Variants in GARRE1 observed in about 807,000 individuals in gnomAD.
The protein encoded by GARRE1 is granule associated Rac and RHOG effector protein 1.
Under a neutral mutation model 103.2 loss-of-function variants are expected in GARRE1, and 49 were observed. The ratio of observed to expected loss-of-function variants is 0.47; its 90% CI spans 0.38 to 0.60. The LOEUF (loss-of-function observed/expected upper bound fraction) is 0.60, where lower values mean the gene tolerates loss of function less well. GARRE1 is among the 20% of genes least tolerant of loss of function. GARRE1 has a pLI of 0.00. For synonymous variants in GARRE1, 505 were observed against 532.8 expected, an observed-to-expected ratio of 0.95 and a Z score of 0.72; for missense variants, 1,199 against 1,370.5, an observed-to-expected ratio of 0.87 and a Z score of 1.98.
chr19:34,319,236 T>G (rs906783245), intron 2 of GARRE1, among the ~76,000 whole-genome samples: 1 of 152,162 alleles, frequency 6.6e-6, no homozygotes, highest in African/African-American at 2.4e-5. Context: ...ATAGTATTTT[T>G]TAAGTTAATT....
chr19:34,346,105 A>T (rs328409), intron 10 of GARRE1, among the ~76,000 whole-genome samples: 78,902 of 151,962 alleles, frequency 0.52, 23,954 homozygotes, highest in African/African-American at 0.83. Context: ...GGGATGGGGA[A>T]CGGGAGACAG....
chr19:34,259,808 A>G (rs2073704201), intron 1 of GARRE1, among the ~76,000 whole-genome samples: 1 of 152,142 alleles, frequency 6.6e-6, no homozygotes, highest in African/African-American at 2.4e-5. Flanking sequence ...GGTGGGAAGG[A>G]CCTAATGGGA....
intron 1 of GARRE1, among the ~76,000 whole-genome samples, chr19:34,289,705 A>G (rs2073906435): frequency 6.6e-6 from 1 of 151,466 alleles, no homozygotes; most frequent in Non-Finnish European, 1.5e-5. Flanking sequence ...GCCTGGTGAC[A>G]GAGCTAGACT....
chr19:34,277,673 G>A (rs1025102711), intron 1 of GARRE1, among the ~76,000 whole-genome samples: 2 of 152,096 alleles, frequency 1.3e-5, no homozygotes, highest in African/African-American at 2.4e-5. Context: ...CAGGTGTTAT[G>A]CCTGATTCCT....
chr19:34,353,190 C>G lies in GARRE1; in HGVS notation c.*235C>G, dbSNP rs967898457. 1.8e-5 allele frequency: 9 copies of G among 501,574 alleles called. No homozygotes were observed. The highest frequency in any genetic ancestry group is 3.4e-5 in the Admixed American group (1 of 29,198). The allele number at this position is 501,574 out of a possible 1,614,324, so 31.1% of individuals were successfully genotyped here. ...GCCAGCTGGAGACACAGGCGTCTGG[C>G]CTTCAGGGGCTTGCTAGGGAACCTG... is the stretch of plus-strand genomic sequence containing the variant. On this transcript the variant is annotated 3_prime_UTR_variant, in exon 14 of 14. Coordinates refer to ENST00000299505, the MANE Select transcript of GARRE1 (RefSeq NM_014686.5).
At chr19:34,291,668 A>G (rs1009628444) in intron 1 of GARRE1, among the ~76,000 whole-genome samples, 1 of 152,200 alleles carries the variant, frequency 6.6e-6, no homozygotes, top group African/African-American at 2.4e-5. Flanking sequence ...TCAGGAGGAC[A>G]AGAGCCTTCA....
chr19:34,272,184 T>C (rs189389833), intron 1 of GARRE1, among the ~76,000 whole-genome samples: 10 of 152,240 alleles, frequency 6.6e-5, no homozygotes, highest in African/African-American at 2.4e-4. Flanking sequence ...GCAGTAAATA[T>C]AGCAGGAGGA....
chr19:34,345,871 C>G (rs2074208482), intron 10 of GARRE1, among the ~76,000 whole-genome samples: 2 of 152,270 alleles, frequency 1.3e-5, no homozygotes, highest in African/African-American at 4.8e-5. Context: ...CATATTTGAC[C>G]TCTGAGTCCT....
intron 10 of GARRE1, 149 bp downstream of exon 10, chr19:34,342,604 G>A: frequency 1.4e-6 from 1 of 702,060 alleles, no homozygotes; most frequent in Non-Finnish European, 2.4e-6. Flanking sequence ...AGGCAAGTAT[G>A]GGGCAGATCT....
In GARRE1 at chr19:34,264,538, A is replaced by G. The variant is rs371047927; in HGVS notation, c.-796+9924A>G. On this transcript the variant is annotated intron_variant, in intron 1 of 13. Coordinates refer to ENST00000299505, the MANE Select transcript of GARRE1 (RefSeq NM_014686.5). ...CTCAGCCTCCTGAGTAGCTGGGACT[A>G]CAGGTGCCCGCCACCATGCCTGGCT... Among the ~76,000 whole-genome samples the G allele has an allele frequency of 1.1e-3, 160 of 152,206 alleles. 4 individuals carry two copies. In the South Asian group the frequency reaches 0.028, roughly 27 times the overall value.
At chr19:34,282,351 C>T (rs1348179300) in intron 1 of GARRE1, among the ~76,000 whole-genome samples, 1 of 152,146 alleles carries the variant, frequency 6.6e-6, no homozygotes, top group Non-Finnish European at 1.5e-5. Flanking sequence ...GGGGTTTCAC[C>T]ATGCTGGCCA....
chr19:34,337,998 T>C (rs779042873), intron 8 of GARRE1, among the ~76,000 whole-genome samples: 15 of 152,158 alleles, frequency 9.9e-5, no homozygotes, highest in Non-Finnish European at 1.5e-4. Context: ...GAGTCCAAGG[T>C]CTAGCTGGGC....
intron 1 of GARRE1, among the ~76,000 whole-genome samples, chr19:34,267,919 ACC>A (rs2073762388): frequency 6.6e-6 from 1 of 151,624 alleles, no homozygotes; most frequent in African/African-American, 2.4e-5. Context: ...GATTACAGGC[ACC>A]TGCCACCATA....
intron 12 of GARRE1, among the ~76,000 whole-genome samples, chr19:34,350,613 G>A (rs900004909): frequency 6.6e-6 from 1 of 151,996 alleles, no homozygotes; most frequent in African/African-American, 2.4e-5. Flanking sequence ...ACGGAGTCTC[G>A]CTCTGTTGCC....
At chr19:34,279,666 T>C (rs1021293436) in intron 1 of GARRE1, among the ~76,000 whole-genome samples, 1 of 152,182 alleles carries the variant, frequency 6.6e-6, no homozygotes, top group African/African-American at 2.4e-5. Context: ...AAAGAAATAC[T>C]TGAGACTGGG....
chr19:34,313,961 C>T (rs533497032), intron 2 of GARRE1, among the ~76,000 whole-genome samples: 31 of 152,128 alleles, frequency 2.0e-4, no homozygotes, highest in East Asian at 3.9e-4. Context: ...CCACCACGCC[C>T]GGCTGATTTT....
intron 6 of GARRE1, among the ~76,000 whole-genome samples, chr19:34,329,894 A>G (rs1211829176): frequency 6.6e-6 from 1 of 152,140 alleles, no homozygotes; most frequent in African/African-American, 2.4e-5. Flanking sequence ...CCTGGGCAAC[A>G]TAGCAAGACT....
chr19:34,323,685 G>C (rs2074099630), intron 3 of GARRE1, among the ~76,000 whole-genome samples: 1 of 151,996 alleles, frequency 6.6e-6, no homozygotes. Flanking sequence ...TGTCCTCCTG[G>C]CTGCTGGGCC....
At chr19:34,348,161 C>CT in intron 11 of GARRE1, 119 bp downstream of exon 11, 1 of 875,878 alleles carries the variant, frequency 1.1e-6, no homozygotes, top group South Asian at 3.8e-5. Context: ...ATTCCAAGCC[C>CT]CCATGTGAGA....
Sources: allele counts gnomAD v4.1 joint callset (sites outside exome capture counted in the v4.1 genomes callset), GRCh38; gene constraint gnomAD v4.1.1; transcripts MANE v1.5; gene names NCBI Gene and HGNC (gene_info 2026-07-23, HGNC 2026-07-21).